Variants in EIF4E3 observed in about 807,000 individuals in gnomAD.
The protein encoded by EIF4E3 is eukaryotic translation initiation factor 4E family member 3.
In EIF4E3, 26 loss-of-function variants were observed where a neutral mutation model predicts 31.7. That is an observed-to-expected ratio of 0.82 (90% CI 0.60 to 1.14). EIF4E3 has a LOEUF of 1.14. EIF4E3 is among the 50% of genes most tolerant of loss of function. EIF4E3 has a pLI of 0.00. For synonymous variants in EIF4E3, 128 were observed against 107.7 expected (o/e 1.19, Z -1.17); for missense variants, 304 against 270.9 (o/e 1.12, Z -0.86).
At chr3:71,708,366 T>C (rs1236754051) in intron 2 of EIF4E3, among the ~76,000 whole-genome samples, 1 of 152,212 alleles carries the variant, frequency 6.6e-6, no homozygotes, top group Non-Finnish European at 1.5e-5. Flanking sequence ...TAAGGGAAAC[T>C]TTTTTCTTCT....
At chr3:71,719,272 T>C (rs1009409535) in intron 1 of EIF4E3, among the ~76,000 whole-genome samples, 2 of 152,176 alleles carry the variant, frequency 1.3e-5, no homozygotes, top group African/African-American at 4.8e-5. Context: ...GTAAATAATA[T>C]ACTCAATTGA....
intron 5 of EIF4E3, 30 bp from the exon 6 acceptor site, chr3:71,690,195 G>T (rs773743053): frequency 6.4e-7 from 1 of 1,552,500 alleles, no homozygotes. Flanking sequence ...AAAAAAAAAT[G>T]AGTGATACTT....
chr3:71,698,865 T>C lies in EIF4E3; in HGVS notation c.344+749A>G, dbSNP rs376067148. Among the ~76,000 whole-genome samples the C allele has an allele frequency of 5.3e-5, 8 of 152,298 alleles. No homozygotes were observed. In the East Asian group the frequency reaches 9.6e-4, roughly 18 times the overall value. On this transcript the variant is annotated intron_variant, in intron 3 of 6. Coordinates refer to ENST00000425534, the MANE Select transcript of EIF4E3 (RefSeq NM_001134651.2). ...AACATGAGCTGGATCTGCCAGAAAC[T>C]ACCCCTACCAGTGAACTTCCCAGTC...
downstream of EIF4E3, among the ~76,000 whole-genome samples, chr3:71,674,041 T>C (rs554722907): frequency 4.8e-5 from 7 of 146,792 alleles, no homozygotes; most frequent in East Asian, 1.4e-3. Flanking sequence ...AGGAGACTTA[T>C]GCTTCAGTGA....
intron 2 of EIF4E3, among the ~76,000 whole-genome samples, chr3:71,709,075 G>T (rs1399570370): frequency 6.6e-6 from 1 of 152,040 alleles, no homozygotes; most frequent in Non-Finnish European, 1.5e-5. Context: ...ACCAGATACT[G>T]GGACCATAGC....
intron 2 of EIF4E3, among the ~76,000 whole-genome samples, chr3:71,709,099 G>T (rs2049337728): frequency 6.6e-6 from 1 of 152,056 alleles, no homozygotes; most frequent in East Asian, 1.9e-4. Context: ...AAAAAAAAAT[G>T]GATCTCTGTG....
chr3:71,731,467 C>T (rs571587873), intron 1 of EIF4E3, among the ~76,000 whole-genome samples: 3 of 152,218 alleles, frequency 2.0e-5, no homozygotes, highest in East Asian at 3.9e-4. Flanking sequence ...TTTCAGTGCA[C>T]GTGTCAGCTG....
intron 1 of EIF4E3, among the ~76,000 whole-genome samples, chr3:71,740,490 T>A (rs1440341341): frequency 6.6e-6 from 1 of 152,198 alleles, no homozygotes; most frequent in Non-Finnish European, 1.5e-5. Flanking sequence ...TCCCAGCACT[T>A]TGGGAGGCCA....
chr3:71,673,199 T>A (rs926926698), downstream of EIF4E3, among the ~76,000 whole-genome samples: 3 of 152,222 alleles, frequency 2.0e-5, no homozygotes, highest in African/African-American at 7.2e-5. Flanking sequence ...ATATTTCTTG[T>A]TCAGATGCTA....
At chr3:71,745,035 T>C (rs1020164716) in intron 1 of EIF4E3, among the ~76,000 whole-genome samples, 11 of 152,142 alleles carry the variant, frequency 7.2e-5, no homozygotes, top group Non-Finnish European at 7.3e-5. Flanking sequence ...ATGTTTGACA[T>C]ATGGAAATCA....
At chr3:71,738,339 A>G (rs960516888) in intron 1 of EIF4E3, among the ~76,000 whole-genome samples, 2 of 152,222 alleles carry the variant, frequency 1.3e-5, no homozygotes, top group Admixed American at 1.3e-4. Flanking sequence ...TACCCCCACC[A>G]GGTAGAGTGG....
intron 1 of EIF4E3, among the ~76,000 whole-genome samples, chr3:71,714,817 C>T (rs1451641662): frequency 6.6e-6 from 1 of 152,172 alleles, no homozygotes; most frequent in Non-Finnish European, 1.5e-5. Flanking sequence ...CTGTTCATGG[C>T]AACACTGAAG....
In EIF4E3 at chr3:71,690,028, TA is replaced by T; in HGVS notation, c.609del (p.Phe203LeufsTer27). The part of the protein sequence containing the change: ...KIYELLPHIT[F>X]KAVFYKPHEE... ...CACTTACGTTTATAAAATACTGCTTTAAAAGTTATGTGGGGCAGAAGTTCAT... is the reference window on the plus strand; with the variant it reads ...CACTTACGTTTATAAAATACTGCTTTAAAGTTATGTGGGGCAGAAGTTCAT... On this transcript the variant is annotated frameshift_variant, in exon 6 of 7. Transcript: ENST00000425534. LOFTEE classifies it high-confidence loss of function. 6.2e-7 allele frequency: 1 copy of T among 1,612,590 alleles called. No individual in the cohort carries two copies. Among genetic ancestry groups the T allele is most frequent in the Non-Finnish European group, 8.5e-7 (1 of 1,179,358 alleles).
At chr3:71,669,769 A>G in the EIF4E3 span, among the ~76,000 whole-genome samples, 3 of 152,284 alleles carry the variant, frequency 2.0e-5, no homozygotes, top group African/African-American at 7.2e-5. Context: ...GAGTCTCCAC[A>G]TGGGCAGAGA....
chr3:71,674,816 T>C (rs959390577), downstream of EIF4E3, among the ~76,000 whole-genome samples: 11 of 152,210 alleles, frequency 7.2e-5, no homozygotes, highest in African/African-American at 2.4e-4. Flanking sequence ...GTGCTTCATA[T>C]GTTACTGGCT....
At position 71,683,769 on chromosome 3, in the gene EIF4E3, A is replaced by T. The variant is rs2048953516; in HGVS notation, c.*913T>A. The T allele has an allele frequency of 6.6e-6, 1 of 152,216 alleles. No homozygotes were observed. The highest frequency in any genetic ancestry group is 6.5e-5 in the Admixed American group (1 of 15,282). The allele number at this position is 152,216 out of a possible 1,614,324, so 9.4% of individuals were successfully genotyped here. On this transcript the variant is annotated 3_prime_UTR_variant, in exon 7 of 7. Transcript: ENST00000425534. Reference sequence around the variant, plus strand: ...CATTTAACAAAATGTGTTAGCGTTGACTGGGAAAGAAAGCCCTAAGTGGGT... The same window carrying T: ...CATTTAACAAAATGTGTTAGCGTTGTCTGGGAAAGAAAGCCCTAAGTGGGT...
downstream of EIF4E3, among the ~76,000 whole-genome samples, chr3:71,674,162 A>G (rs777207444): frequency 8.3e-6 from 1 of 119,834 alleles, no homozygotes; most frequent in Non-Finnish European, 1.6e-5. Context: ...GCTGGAGTGC[A>G]GTGGCATAAT....
downstream of EIF4E3, among the ~76,000 whole-genome samples, chr3:71,672,963 A>G (rs1559581064): frequency 6.6e-6 from 1 of 152,150 alleles, no homozygotes. Context: ...TGACCTCTCT[A>G]CAATCTTAAA....
chr3:71,751,947 A>C lies in EIF4E3; in HGVS notation c.-291+1516T>G, dbSNP rs116491140. Among the ~76,000 whole-genome samples, 327 of 152,292 alleles carry C rather than the reference A, an allele frequency of 2.1e-3. 1 individual carries two copies. The highest frequency in any genetic ancestry group is 7.5e-3 in the African/African-American group (313 of 41,566). On this transcript the variant is annotated intron_variant, in intron 1 of 7. Coordinates refer to the EIF4E3 transcript ENST00000295612. ...TAAACTCATGTACACGTTTTTTGCT[A>C]CTAGTATCAAACTGCAATTCCTAAC... is the stretch of plus-strand genomic sequence containing the variant.
Sources: gnomAD v4.1 joint callset for allele counts (sites outside exome capture counted in the v4.1 genomes callset) on GRCh38, gnomAD v4.1.1 for gene constraint, MANE v1.5 for transcripts, NCBI Gene and HGNC (gene_info 2026-07-23, HGNC 2026-07-21) for gene names.